The following WASHC2C variants were observed in gnomAD, a reference collection of about 807,000 sequenced individuals.
WASHC2C encodes WASH complex subunit 2C, also known as Vaccinia Penetration Factor.
WASHC2C carries 73 observed loss-of-function variants against 142.2 expected under a neutral mutation model. The ratio of observed to expected loss-of-function variants is 0.51; its 90% confidence interval spans 0.43 to 0.62. The LOEUF is 0.62. WASHC2C is among the 20% of genes least tolerant of loss of function. WASHC2C has a pLI of 0.00. For missense variants in WASHC2C, 969 were observed against 1,531.7 expected, an observed-to-expected ratio of 0.63 and a Z score of 6.13; for synonymous variants, 337 against 565.5, an observed-to-expected ratio of 0.60 and a Z score of 5.73.
chr10:45,759,914 T>C (rs2054874492), intron 17 of WASHC2C, among the ~76,000 whole-genome samples: 1 of 150,590 alleles, frequency 6.6e-6, no homozygotes, highest in Admixed American at 6.6e-5. Flanking sequence ...TTGGACTGTA[T>C]TTACATTTCC....
intron 6 of WASHC2C, among the ~76,000 whole-genome samples, chr10:45,744,307 G>A (rs1427000852): frequency 4.6e-4 from 68 of 147,572 alleles, no homozygotes; most frequent in Non-Finnish European, 1.8e-4. Flanking sequence ...GATCCTCTGT[G>A]TGTGTTTTCT....
At chr10:45,792,119 A>G in intron 30 of WASHC2C, 142 bp from the exon 31 acceptor site, 1 of 880,266 alleles carries the variant, frequency 1.1e-6, no homozygotes, top group Non-Finnish European at 1.8e-6. Context: ...CCAGAATCTA[A>G]GAGGCTTGAG....
At chr10:45,791,478 A>G (rs1433647069) in intron 30 of WASHC2C, among the ~76,000 whole-genome samples, 1 of 146,800 alleles carries the variant, frequency 6.8e-6, no homozygotes, top group African/African-American at 2.5e-5. Context: ...TTTAAAAAGT[A>G]AGAATATATT....
intron 19 of WASHC2C, among the ~76,000 whole-genome samples, chr10:45,768,495 A>G (rs1328419455): frequency 2.0e-5 from 3 of 152,202 alleles, no homozygotes; most frequent in Admixed American, 6.5e-5. Context: ...GAAATTCTGC[A>G]TAATCTGCTG....
intron 17 of WASHC2C, among the ~76,000 whole-genome samples, chr10:45,761,348 A>G (rs2135070332): frequency 6.6e-6 from 1 of 152,280 alleles, no homozygotes; most frequent in Non-Finnish European, 1.5e-5. Context: ...CAGCCTTGGA[A>G]GTCAACGGTG....
chr10:45,728,518 C>G (rs2050172687), intron 2 of WASHC2C, among the ~76,000 whole-genome samples: 1 of 151,908 alleles, frequency 6.6e-6, no homozygotes, highest in African/African-American at 2.4e-5. Flanking sequence ...GTGGGCGAAT[C>G]ACGAGGTCAG....
chr10:45,745,503 G>A (rs2052708856), intron 7 of WASHC2C, among the ~76,000 whole-genome samples: 1 of 151,684 alleles, frequency 6.6e-6, no homozygotes, highest in African/African-American at 2.4e-5. Flanking sequence ...TCCGAAAGGA[G>A]ACAGTGTTGT....
At chr10:45,764,598 C>T (rs1376565890) in intron 18 of WASHC2C, among the ~76,000 whole-genome samples, 1 of 151,526 alleles carries the variant, frequency 6.6e-6, no homozygotes, top group African/African-American at 2.4e-5. Flanking sequence ...GAGAAGACAA[C>T]CCAAACCTTA....
At chr10:45,780,981 T>C (rs2057459520) in intron 23 of WASHC2C, among the ~76,000 whole-genome samples, 1 of 151,570 alleles carries the variant, frequency 6.6e-6, no homozygotes, top group Non-Finnish European at 1.5e-5. Context: ...CTTGAACTCT[T>C]GACCTCAGGT....
chr10:45,774,748 C>A (rs1385975646), intron 21 of WASHC2C, among the ~76,000 whole-genome samples: 7 of 75,908 alleles, frequency 9.2e-5, no homozygotes, highest in African/African-American at 3.5e-4. Flanking sequence ...AAAGAGACTC[C>A]ACACAAACTG....
intron 28 of WASHC2C, among the ~76,000 whole-genome samples, chr10:45,787,870 C>T (rs143627661): frequency 3.3e-5 from 5 of 152,318 alleles, no homozygotes; most frequent in East Asian, 1.9e-4. Flanking sequence ...CCCACAGCAG[C>T]GACACTGTTT....
At chr10:45,784,999 T>A (rs1455638079) in intron 25 of WASHC2C, 98 bp downstream of exon 25, 3 of 1,608,168 alleles carry the variant, frequency 1.9e-6, no homozygotes, top group Non-Finnish European at 8.5e-7. Flanking sequence ...CCTAGGAGAG[T>A]CGTGCTGCTT....
intron 4 of WASHC2C, among the ~76,000 whole-genome samples, chr10:45,739,610 T>G (rs1310672656): frequency 1.3e-5 from 2 of 151,156 alleles, no homozygotes; most frequent in Admixed American, 6.7e-5. Flanking sequence ...TTGTCCAGTT[T>G]TTTTTTTTTT....
chr10:45,769,959 G>A (rs1281989128), intron 20 of WASHC2C, among the ~76,000 whole-genome samples: 1 of 151,798 alleles, frequency 6.6e-6, no homozygotes, highest in Non-Finnish European at 1.5e-5. Context: ...AGTTACTTTA[G>A]GCCAGGCACG....
intron 8 of WASHC2C, among the ~76,000 whole-genome samples, chr10:45,749,264 G>T (rs1395861486): frequency 6.6e-6 from 1 of 150,818 alleles, no homozygotes; most frequent in African/African-American, 2.4e-5. Context: ...GTGAAACCCC[G>T]TCTCTACCAA....
chr10:45,784,263 T>TATATAC (rs2057775155), intron 23 of WASHC2C, among the ~76,000 whole-genome samples: 1 of 4,926 alleles, frequency 2.0e-4, no homozygotes, highest in Non-Finnish European at 5.6e-4. Flanking sequence ...TATATATATA[T>TATATAC]ATATATATAT....
At chr10:45,780,001 AAT>A (rs1554887588) in intron 23 of WASHC2C, among the ~76,000 whole-genome samples, 1 of 151,140 alleles carries the variant, frequency 6.6e-6, no homozygotes, top group African/African-American at 2.4e-5. Context: ...AAAAAAAAAA[AAT>A]AGATGATGGT....
At chr10:45,747,456 A>G (rs1399432806) in intron 8 of WASHC2C, among the ~76,000 whole-genome samples, 1 of 152,076 alleles carries the variant, frequency 6.6e-6, no homozygotes, top group Non-Finnish European at 1.5e-5. Context: ...CTTATTTTAA[A>G]TAGCCTTTGC....
chr10:45,787,590 A>C (rs2058136888), intron 28 of WASHC2C, among the ~76,000 whole-genome samples: 1 of 148,216 alleles, frequency 6.7e-6, no homozygotes, highest in Admixed American at 6.7e-5. Context: ...CTTCCTCACT[A>C]CTCCAAGGAG....
Sources: gnomAD v4.1 joint callset for allele counts (sites outside exome capture counted in the v4.1 genomes callset) on GRCh38, gnomAD v4.1.1 for gene constraint, MANE v1.5 for transcripts, NCBI Gene and HGNC (gene_info 2026-07-23, HGNC 2026-07-21) for gene names.